Variants in FRYL observed in about 807,000 individuals in gnomAD.
FRYL encodes the protein FRY like transcription coactivator, also known as protein furry homolog-like.
A neutral mutation model predicts 351.2 loss-of-function variants in FRYL; 150 were observed. That is an observed-to-expected ratio of 0.43 (90% CI 0.37 to 0.49). The LOEUF (loss-of-function observed/expected upper bound fraction) is 0.49, where lower values mean the gene tolerates loss of function less well. FRYL is among the 20% of genes least tolerant of loss of function. FRYL has a pLI of 0.00. For missense variants in FRYL, 3,036 were observed against 3,619.3 expected (o/e 0.84, Z 4.13); for synonymous variants, 1,153 against 1,257.1 (o/e 0.92, Z 1.75).
intron 30 of FRYL, 97 bp downstream of exon 30, chr4:48,564,836 A>AT (rs953225380): frequency 3.2e-6 from 2 of 630,328 alleles, no homozygotes; most frequent in Non-Finnish European, 5.5e-6. Context: ...AACCTATCTT[A>AT]TTTTTTTAAA....
intron 57 of FRYL, 26 bp downstream of exon 57, chr4:48,512,455 A>G (rs1241638188): frequency 6.5e-7 from 1 of 1,536,204 alleles, no homozygotes; most frequent in African/African-American, 1.4e-5. Context: ...TATAATATGA[A>G]TTCAGAAACC....
At position 48,565,144 on chromosome 4, in the gene FRYL, T is replaced by TA. The variant is rs1736483423; in HGVS notation, c.3331-102dup. 7.0e-6 allele frequency: 4 copies of TA among 574,216 alleles called. No individual in the cohort carries two copies. In the East Asian group the frequency reaches 1.3e-4, roughly 18 times the overall value. 35.6% of individuals were successfully genotyped at this position (574,216 alleles called of 1,614,324 possible). ...AAATACTTATCTAGTCACAATACTT[T>TA]AATCTTTTTTCTTTACAAATTATTT... On this transcript the variant is annotated intron_variant, in intron 29 of 63. Transcript: ENST00000358350.
chr4:48,678,907 T>C (rs1041195994), intron 3 of FRYL, among the ~76,000 whole-genome samples: 1 of 152,126 alleles, frequency 6.6e-6, no homozygotes, highest in African/African-American at 2.4e-5. Context: ...TTATTATAAA[T>C]TGTAACATGT....
intron 3 of FRYL, chr4:48,680,962 CTA>C (rs775573883): frequency 7.9e-7 from 1 of 1,264,374 alleles, no homozygotes; most frequent in South Asian, 1.3e-5. Context: ...GTCATAATTA[CTA>C]TGACAGAAAT....
rs778508851 is a variant in FRYL at position 48,553,196 on chromosome 4, G to A, written c.4435+19C>T. On this transcript the variant is annotated intron_variant, in intron 36 of 63. Transcript: ENST00000358350. ...TGTCTATCATCTCACACAGCAATCG[G>A]TTTTAACAAATTTCTCACCTGAGGT... is the stretch of plus-strand genomic sequence containing the variant. 1.2e-6 allele frequency: 2 copies of A among 1,601,720 alleles called. No individual in the cohort carries two copies. Among genetic ancestry groups the A allele is most frequent in the Admixed American group, 1.7e-5 (1 of 58,564 alleles).
chr4:48,558,008 C>T (rs1447243379), intron 33 of FRYL, among the ~76,000 whole-genome samples: 2 of 152,028 alleles, frequency 1.3e-5, no homozygotes, highest in East Asian at 3.8e-4. Flanking sequence ...TATGATGGTT[C>T]CTCAAAAAAA....
At chr4:48,532,926 A>G (rs1370022514) in intron 49 of FRYL, among the ~76,000 whole-genome samples, 2 of 152,208 alleles carry the variant, frequency 1.3e-5, no homozygotes, top group East Asian at 3.8e-4. Context: ...TGATTCACAC[A>G]TTTATAAAGA....
intron 55 of FRYL, 127 bp from the exon 56 acceptor site, chr4:48,515,402 AC>A: frequency 2.8e-6 from 2 of 705,446 alleles, no homozygotes; most frequent in South Asian, 3.9e-5. Context: ...ACAGTCTGTC[AC>A]CCAGGCTGGA....
rs764260024 is a variant in FRYL, at chr4:48,540,650, T to A, written c.5998A>T (p.Met2000Leu). ...GCTGCTATCCAAAAAATGGTGGCCA[T>A]CAAGTTGGTAGGCTCAGTAGTGGAC... ...VQSTTEPTNLMATIFWIAASL... is the reference protein window; with the variant it reads ...VQSTTEPTNLLATIFWIAASL... The change falls in exon 46 of 64, where the codon ATG becomes TTG. Residue 2000 changes from methionine to leucine, a missense_variant. Met to Leu is a conservative substitution (Grantham distance 15, BLOSUM62 2). This residue lies in a region of FRYL where 1,987 missense variants were observed against 2,311.7 expected (regional missense o/e 0.86). Coordinates refer to ENST00000358350, the MANE Select transcript of FRYL (RefSeq NM_015030.2). 1.1e-5 allele frequency: 17 copies of A among 1,613,880 alleles called. No individual in the cohort carries two copies. Among genetic ancestry groups the A allele is most frequent in the Non-Finnish European group, 1.4e-5 (17 of 1,179,926 alleles).
At chr4:48,630,707 G>A (rs1374863901) in intron 4 of FRYL, among the ~76,000 whole-genome samples, 1 of 152,080 alleles carries the variant, frequency 6.6e-6, no homozygotes, top group Non-Finnish European at 1.5e-5. Flanking sequence ...GCTAATCTTC[G>A]AGTCTTTTGG....
intron 2 of FRYL, among the ~76,000 whole-genome samples, chr4:48,704,751 C>A (rs1767127414): frequency 6.6e-6 from 1 of 152,040 alleles, no homozygotes; most frequent in African/African-American, 2.4e-5. Flanking sequence ...GAGTTCCAGA[C>A]CAGCCTGGCC....
chr4:48,609,710 A>G, intron 8 of FRYL, 34 bp downstream of exon 8: 1 of 1,125,158 alleles, frequency 8.9e-7, no homozygotes. Flanking sequence ...GATTGCAAAA[A>G]AAGGCAACAA....
chr4:48,747,621 T>C (rs1049509530), intron 1 of FRYL, among the ~76,000 whole-genome samples: 9 of 152,230 alleles, frequency 5.9e-5, no homozygotes, highest in African/African-American at 1.9e-4. Flanking sequence ...AGAATCCTGA[T>C]AGATTTTTGA....
intron 47 of FRYL, 57 bp from the exon 48 acceptor site, chr4:48,535,884 G>T: frequency 1.6e-6 from 2 of 1,244,326 alleles, no homozygotes; most frequent in Non-Finnish European, 2.1e-6. Context: ...AGTTTAACTT[G>T]ATTTTATGCT....
chr4:48,685,361 A>G (rs1448488319), intron 2 of FRYL, among the ~76,000 whole-genome samples: 1 of 152,172 alleles, frequency 6.6e-6, no homozygotes, highest in Non-Finnish European at 1.5e-5. Flanking sequence ...AATTGTGACC[A>G]TATCTCTTAA....
intron 57 of FRYL, 39 bp from the exon 58 acceptor site, chr4:48,511,023 A>T: frequency 6.7e-7 from 1 of 1,487,264 alleles, no homozygotes; most frequent in East Asian, 2.3e-5. Flanking sequence ...AGTGTTTCAT[A>T]AGAAGGCCTT....
At chr4:48,591,860 C>T (rs912315283) in intron 16 of FRYL, among the ~76,000 whole-genome samples, 1 of 151,952 alleles carries the variant, frequency 6.6e-6, no homozygotes, top group Non-Finnish European at 1.5e-5. Context: ...TACCTGGATG[C>T]CTCATGTTAG....
chr4:48,705,919 C>T (rs1314975508), intron 2 of FRYL, among the ~76,000 whole-genome samples: 3 of 152,100 alleles, frequency 2.0e-5, no homozygotes, highest in East Asian at 3.8e-4. Context: ...TTACTGCAAC[C>T]TCTACCTCCT....
intron 53 of FRYL, among the ~76,000 whole-genome samples, chr4:48,525,496 A>G (rs1725926501): frequency 2.0e-5 from 3 of 152,194 alleles, no homozygotes; most frequent in Admixed American, 2.0e-4. Flanking sequence ...CTGGTCTTCC[A>G]TGGACAATGA....
Sources: allele counts gnomAD v4.1 joint callset (sites outside exome capture counted in the v4.1 genomes callset), GRCh38; gene constraint gnomAD v4.1.1; regional missense constraint gnomAD v4.1.1; transcripts MANE v1.5; gene names NCBI Gene and HGNC (gene_info 2026-07-23, HGNC 2026-07-21).